Variants in PMS1 observed in about 807,000 individuals in gnomAD.
PMS1 encodes the protein PMS1 homolog 1, mismatch repair system component.
A neutral mutation model predicts 93.1 loss-of-function variants in PMS1; 79 were observed. The observed-to-expected ratio is 0.85, with a 90% CI of 0.71 to 1.02. The LOEUF (loss-of-function observed/expected upper bound fraction) is 1.02. Among genes scored for constraint, PMS1 ranks in the 50% least tolerant of loss-of-function variants. PMS1 has a pLI of 0.00. For missense variants in PMS1, 1,064 were observed against 1,085.3 expected (o/e 0.98, Z 0.28); for synonymous variants, 335 against 363.4 (o/e 0.92, Z 0.89).
At chr2:189,864,682 AAAAAAATATATATATATATATATATATAT>A (rs2056444599) in intron 10 of PMS1, among the ~76,000 whole-genome samples, 2 of 39,896 alleles carry the variant, frequency 5.0e-5, no homozygotes, top group Non-Finnish European at 8.8e-5. Flanking sequence ...AAAAAAAAAA[AAAAAAATATATATATATATATATATATAT>A]ATATATATAT....
intron 5 of PMS1, among the ~76,000 whole-genome samples, chr2:189,820,637 C>T (rs892925337): frequency 6.6e-6 from 1 of 152,036 alleles, no homozygotes; most frequent in Non-Finnish European, 1.5e-5. Flanking sequence ...TTTAATACTA[C>T]TTTATATTTA....
intron 3 of PMS1, among the ~76,000 whole-genome samples, chr2:189,801,705 A>G (rs1452342649): frequency 6.6e-6 from 1 of 152,246 alleles, no homozygotes; most frequent in Non-Finnish European, 1.5e-5. Context: ...AGACCTGGCC[A>G]AAGGCCAAAG....
chr2:189,821,525 A>C (rs2051883212), intron 5 of PMS1, among the ~76,000 whole-genome samples: 1 of 145,080 alleles, frequency 6.9e-6, no homozygotes, highest in South Asian at 2.2e-4. Flanking sequence ...ATAATAAGTG[A>C]AGGCTGGGTC....
intron 5 of PMS1, among the ~76,000 whole-genome samples, chr2:189,835,585 G>T (rs535149774): frequency 3.3e-5 from 5 of 152,036 alleles, no homozygotes; most frequent in African/African-American, 1.2e-4. Flanking sequence ...AATAGATATA[G>T]ATCTATTTAT....
chr2:189,800,853 A>G (rs928309002), intron 3 of PMS1, among the ~76,000 whole-genome samples: 3 of 152,214 alleles, frequency 2.0e-5, no homozygotes, highest in Non-Finnish European at 2.9e-5. Flanking sequence ...AAGAAGAAAA[A>G]TTAAGTTAGA....
intron 4 of PMS1, chr2:189,806,807 A>G (rs950123072): frequency 9.7e-6 from 2 of 206,618 alleles, no homozygotes; most frequent in Non-Finnish European, 2.0e-5. Context: ...ATTTCTAGTG[A>G]TGGGATGATT....
At chr2:189,857,392 T>C in intron 9 of PMS1, 2 of 444,508 alleles carry the variant, frequency 4.5e-6, no homozygotes, top group Non-Finnish European at 4.7e-6. Context: ...AGTTGCATCA[T>C]GATTAGTGAG....
chr2:189,859,325 A>G (rs184809011), intron 9 of PMS1, among the ~76,000 whole-genome samples: 8 of 152,328 alleles, frequency 5.3e-5, no homozygotes, highest in African/African-American at 1.4e-4. Flanking sequence ...ACAGTTGAGC[A>G]TGAGACACAG....
chr2:189,828,569 T>C (rs2052650269), intron 5 of PMS1, among the ~76,000 whole-genome samples: 1 of 152,174 alleles, frequency 6.6e-6, no homozygotes. Context: ...CAGATTTAGC[T>C]TTTCAACCTG....
rs764765315 is a variant in PMS1 at position 189,854,701 on chromosome 2, G to T, written c.1429G>T (p.Glu477Ter). ...AAATGGCAATAAAGACCATATAGAT[G>T]AGAGTGGGGAAAATGAGGAAGAAGC... ...SENGNKDHID[E>*]SGENEEEAGL... The change falls in exon 9 of 13, where the codon GAG becomes TAG. Residue 477 changes from glutamate to a stop codon, truncating the protein, a stop_gained. Coordinates refer to ENST00000441310, the MANE Select transcript of PMS1 (RefSeq NM_000534.5). LOFTEE classifies it high-confidence loss of function. 7.4e-6 allele frequency: 12 copies of T among 1,613,908 alleles called. No individual in the cohort carries two copies. The highest frequency in any genetic ancestry group is 1.0e-5 in the Non-Finnish European group (12 of 1,179,866).
intron 12 of PMS1, among the ~76,000 whole-genome samples, chr2:189,876,300 GT>G (rs1309194484): frequency 6.6e-6 from 1 of 152,076 alleles, no homozygotes; most frequent in East Asian, 1.9e-4. Context: ...ATAAGAGAAG[GT>G]TAATTAGAGA....
At chr2:189,807,089 A>T (rs1236166195) in intron 4 of PMS1, 1 of 175,276 alleles carries the variant, frequency 5.7e-6, no homozygotes, top group African/African-American at 2.4e-5. Flanking sequence ...TAAAATATAA[A>T]TTTCTTATAT....
chr2:189,853,863 A>T (rs2055044130), intron 7 of PMS1, 76 bp from the exon 8 acceptor site: 1 of 893,974 alleles, frequency 1.1e-6, no homozygotes. Context: ...TCAATTTCTC[A>T]GTTGAATTTG....
chr2:189,821,405 C>A (rs2051858260), intron 5 of PMS1, among the ~76,000 whole-genome samples: 1 of 149,164 alleles, frequency 6.7e-6, no homozygotes, highest in South Asian at 2.1e-4. Flanking sequence ...TGCCGTGAGC[C>A]GAGATTGCGC....
At chr2:189,786,185 G>A (rs1029922527) in intron 1 of PMS1, among the ~76,000 whole-genome samples, 2 of 152,138 alleles carry the variant, frequency 1.3e-5, no homozygotes, top group Non-Finnish European at 2.9e-5. Flanking sequence ...TTTGGGCAAC[G>A]ATGGGATGAC....
chr2:189,808,539 C>T (rs901259909), intron 4 of PMS1, among the ~76,000 whole-genome samples: 3 of 152,014 alleles, frequency 2.0e-5, no homozygotes, highest in Non-Finnish European at 2.9e-5. Context: ...CCGTGTTGGC[C>T]AGGCTGGTCT....
chr2:189,863,134 A>T (rs1448829795), intron 9 of PMS1, among the ~76,000 whole-genome samples: 1 of 151,636 alleles, frequency 6.6e-6, no homozygotes, highest in African/African-American at 2.4e-5. Flanking sequence ...GAGTGAATCC[A>T]TTCTAATTTC....
chr2:189,839,694 A>G (rs5743091), intron 5 of PMS1, among the ~76,000 whole-genome samples: 29,968 of 152,104 alleles, frequency 0.2, 3,104 homozygotes, highest in African/African-American at 0.25. Context: ...AGTAGTTTTT[A>G]TAATGTATTA....
chr2:189,796,368 A>G (rs1294466113), intron 3 of PMS1, among the ~76,000 whole-genome samples: 2 of 152,170 alleles, frequency 1.3e-5, no homozygotes, highest in Non-Finnish European at 2.9e-5. Context: ...TCAAAAAAAT[A>G]TATATATACA....
Sources: allele counts gnomAD v4.1 joint callset (sites outside exome capture counted in the v4.1 genomes callset), GRCh38; gene constraint gnomAD v4.1.1; transcripts MANE v1.5; gene names NCBI Gene and HGNC (gene_info 2026-07-23, HGNC 2026-07-21).